Variants in TMEFF2 observed in about 807,000 individuals in gnomAD.
TMEFF2 encodes tomoregulin-2.
TMEFF2 carries 28 observed loss-of-function variants against 53.8 expected under a neutral mutation model. The observed-to-expected ratio is 0.52, with a 90% confidence interval of 0.39 to 0.71. The LOEUF is 0.71. TMEFF2 is among the 30% of genes least tolerant of loss of function. The pLI is 0.00. For missense variants in TMEFF2, 353 were observed against 455.2 expected, an observed-to-expected ratio of 0.78 and a Z score of 2.04; for synonymous variants, 162 against 166.3, an observed-to-expected ratio of 0.97 and a Z score of 0.20.
In TMEFF2 at chr2:192,194,687, C is replaced by A; in HGVS notation, c.-163G>T. 1.4e-6 allele frequency: 1 copy of A among 706,510 alleles called. No individual in the cohort carries two copies. The highest frequency in any genetic ancestry group is 2.4e-6 in the Non-Finnish European group (1 of 421,988). The allele number at this position is 706,510 out of a possible 1,614,324, so 43.8% of individuals were successfully genotyped here. The stretch of plus-strand genomic sequence containing the variant: ...AGCAGCAGCCAAACCCGCGCATGAT[C>A]TCGAGAGTTTCAGCAACATCCAGGG... On this transcript the variant is annotated 5_prime_UTR_variant, in exon 1 of 10. Transcript: ENST00000272771. This position sits in a 1 kb window ranked among gnomAD's most constrained non-coding sequence, Gnocchi z 4.2.
chr2:191,980,451 A>C (rs1685828613), intron 7 of TMEFF2, among the ~76,000 whole-genome samples: 1 of 152,226 alleles, frequency 6.6e-6, no homozygotes, highest in Non-Finnish European at 1.5e-5. Flanking sequence ...CAACTCTCAC[A>C]GTGAAATCAT....
chr2:192,131,390 A>C (rs1373231786), intron 4 of TMEFF2, among the ~76,000 whole-genome samples: 1 of 145,836 alleles, frequency 6.9e-6, no homozygotes, highest in Non-Finnish European at 1.5e-5. Flanking sequence ...CTTCTCCTTC[A>C]CCTTTAGCGG....
intron 7 of TMEFF2, among the ~76,000 whole-genome samples, chr2:191,990,015 C>G (rs988639133): frequency 6.6e-6 from 1 of 152,146 alleles, no homozygotes; most frequent in African/African-American, 2.4e-5. Flanking sequence ...AGGTGGAGTA[C>G]TGTCCTCCTT....
intron 4 of TMEFF2, among the ~76,000 whole-genome samples, chr2:192,119,649 A>C (rs1689500998): frequency 6.6e-6 from 1 of 152,208 alleles, no homozygotes; most frequent in African/African-American, 2.4e-5. Flanking sequence ...TTCACCTCAG[A>C]CAATACATCC....
chr2:192,102,300 C>T (rs1689047930), intron 4 of TMEFF2, among the ~76,000 whole-genome samples: 1 of 152,140 alleles, frequency 6.6e-6, no homozygotes. Flanking sequence ...AGCTTATCAC[C>T]AGCACACAGA....
At chr2:192,138,737 C>T (rs1690069391) in intron 4 of TMEFF2, among the ~76,000 whole-genome samples, 1 of 152,130 alleles carries the variant, frequency 6.6e-6, no homozygotes, top group South Asian at 2.1e-4. Context: ...AGTTTCTATT[C>T]TTGATTTAAT....
chr2:192,130,977 T>G (rs1232134396), intron 4 of TMEFF2, among the ~76,000 whole-genome samples: 1 of 151,694 alleles, frequency 6.6e-6, no homozygotes, highest in Admixed American at 6.6e-5. Context: ...TCACCCACGT[T>G]TCAAGGGTGT....
intron 5 of TMEFF2, among the ~76,000 whole-genome samples, chr2:192,045,097 G>C (rs1687583096): frequency 6.6e-6 from 1 of 152,182 alleles, no homozygotes; most frequent in Non-Finnish European, 1.5e-5. Flanking sequence ...AGCTCCTTGT[G>C]ATCAGTTGAT....
At chr2:192,013,629 T>C (rs138868778) in intron 5 of TMEFF2, among the ~76,000 whole-genome samples, 8 of 152,244 alleles carry the variant, frequency 5.3e-5, no homozygotes, top group Admixed American at 2.0e-4. Context: ...TTTCTATTTT[T>C]AGTAGAGACA....
chr2:192,169,907 T>C (rs2106022257), intron 4 of TMEFF2, among the ~76,000 whole-genome samples: 1 of 152,210 alleles, frequency 6.6e-6, no homozygotes, highest in Admixed American at 6.6e-5. Flanking sequence ...CAGCCTGAAC[T>C]TCAAAGGCAG....
intron 4 of TMEFF2, among the ~76,000 whole-genome samples, chr2:192,152,998 T>C (rs1690424175): frequency 6.6e-6 from 1 of 151,906 alleles, no homozygotes; most frequent in East Asian, 1.9e-4. Flanking sequence ...ATTAGTTAAT[T>C]TGGTGTATAA....
In TMEFF2 at chr2:192,043,348, G is replaced by A. The variant is rs1047730075; in HGVS notation, c.536+14331C>T. 5.3e-5 allele frequency among the ~76,000 whole-genome samples: 8 copies of A among 152,138 alleles called. No homozygotes were observed. In the East Asian group the frequency reaches 1.5e-3, roughly 29 times the overall value. On this transcript the variant is annotated intron_variant, in intron 5 of 9. Transcript: ENST00000272771. ...ACAGAACCCTTTGCATAAAGGGGAG[G>A]TCAGGTCCCCTTGAGAAAGGGCCCT...
intron 4 of TMEFF2, among the ~76,000 whole-genome samples, chr2:192,076,922 T>A (rs888462049): frequency 3.9e-5 from 6 of 152,172 alleles, no homozygotes; most frequent in Admixed American, 6.5e-5. Context: ...TCTGACTACA[T>A]ACCACCTCCT....
At chr2:191,980,513 A>G (rs1363761483) in intron 7 of TMEFF2, among the ~76,000 whole-genome samples, 2 of 152,192 alleles carry the variant, frequency 1.3e-5, no homozygotes, top group Non-Finnish European at 2.9e-5. Flanking sequence ...GGAAGAAAAC[A>G]AAGGAGAAAG....
At chr2:192,026,629 C>G (rs1162025494) in intron 5 of TMEFF2, among the ~76,000 whole-genome samples, 2 of 152,086 alleles carry the variant, frequency 1.3e-5, no homozygotes, top group Non-Finnish European at 2.9e-5. Flanking sequence ...ACTGTATTAT[C>G]TTGAGTGCAT....
intron 4 of TMEFF2, among the ~76,000 whole-genome samples, chr2:192,116,235 A>C (rs1439713653): frequency 2.6e-5 from 4 of 152,046 alleles, no homozygotes; most frequent in African/African-American, 9.7e-5. Context: ...TAAGCTATAC[A>C]CAGACAAATA....
intron 4 of TMEFF2, among the ~76,000 whole-genome samples, chr2:192,171,040 T>C (rs1484909500): frequency 6.6e-6 from 1 of 152,108 alleles, no homozygotes; most frequent in East Asian, 1.9e-4. Context: ...AATCCAAATT[T>C]GAAACAAATT....
At chr2:191,964,374 CTTTCTTTCTTTCTTTCTTTCTT>C (rs1692392558) in intron 7 of TMEFF2, among the ~76,000 whole-genome samples, 1 of 19,750 alleles carries the variant, frequency 5.1e-5, no homozygotes, top group African/African-American at 1.3e-4. Flanking sequence ...CTTTCTTTCT[CTTTCTTTCTTTCTTTCTTTCTT>C]TCTCTTTCTT....
At chr2:192,017,145 G>A (rs1264925394) in intron 5 of TMEFF2, among the ~76,000 whole-genome samples, 1 of 152,176 alleles carries the variant, frequency 6.6e-6, no homozygotes, top group Non-Finnish European at 1.5e-5. Flanking sequence ...CATTGTTTAA[G>A]GAGCTACAGG....
Sources: allele counts gnomAD v4.1 joint callset (sites outside exome capture counted in the v4.1 genomes callset), GRCh38; gene constraint gnomAD v4.1.1; non-coding constraint Gnocchi (gnomAD v3.1); transcripts MANE v1.5; gene names NCBI Gene and HGNC (gene_info 2026-07-23, HGNC 2026-07-21).